Variants in NR5A2 observed in about 807,000 individuals in gnomAD.
NR5A2 encodes CYP7A promoter-binding factor.
Under a neutral mutation model 62.7 loss-of-function variants are expected in NR5A2, and 26 were observed. That is an observed-to-expected ratio of 0.41 (90% CI 0.30 to 0.58). The LOEUF is 0.58. NR5A2 is among the 20% of genes least tolerant of loss of function. The probability of loss-of-function intolerance (pLI) is 0.22; values close to 1 mark genes in which losing one functional copy is unlikely to be tolerated. For missense variants in NR5A2, 541 were observed against 669.1 expected (o/e 0.81, Z 2.11); for synonymous variants, 246 against 241.7 (o/e 1.02, Z -0.16).
At chr1:200,168,766 C>T (rs1327014854) in intron 7 of NR5A2, among the ~76,000 whole-genome samples, 2 of 152,080 alleles carry the variant, frequency 1.3e-5, no homozygotes, top group Admixed American at 6.6e-5. Context: ...GAACTTTGTT[C>T]GTATGAAAAG....
chr1:200,108,968 A>G (rs1257466918), intron 5 of NR5A2, among the ~76,000 whole-genome samples: 1 of 152,230 alleles, frequency 6.6e-6, no homozygotes, highest in African/African-American at 2.4e-5. Context: ...TTGTAAAACC[A>G]CATGCCATTC....
intron 5 of NR5A2, among the ~76,000 whole-genome samples, chr1:200,107,412 T>G (rs1374083335): frequency 6.6e-6 from 1 of 152,008 alleles, no homozygotes; most frequent in Non-Finnish European, 1.5e-5. Flanking sequence ...CATAATACTT[T>G]GCGAAAGCAG....
chr1:200,057,641 T>C, intron 5 of NR5A2: 1 of 331,992 alleles, frequency 3.0e-6, no homozygotes, highest in Non-Finnish European at 6.0e-6. Context: ...ACAACACCCA[T>C]CTAATTTTTG....
intron 7 of NR5A2, among the ~76,000 whole-genome samples, chr1:200,123,969 T>G (rs1666591102): frequency 6.6e-6 from 1 of 151,634 alleles, no homozygotes; most frequent in African/African-American, 2.4e-5. Flanking sequence ...ACCTGGCTAA[T>G]TTTTTTGTAT....
intron 5 of NR5A2, among the ~76,000 whole-genome samples, chr1:200,067,596 A>G (rs1244034216): frequency 6.6e-6 from 1 of 151,924 alleles, no homozygotes; most frequent in East Asian, 1.9e-4. Flanking sequence ...ACTCACGAAC[A>G]CAAGGGAACA....
At position 200,104,883 on chromosome 1, in the gene NR5A2, G is replaced by A. The variant is rs149206591; in HGVS notation, c.1111-6319G>A. 3.1e-3 allele frequency among the ~76,000 whole-genome samples: 469 copies of A among 152,162 alleles called. 1 individual carries two copies. Among genetic ancestry groups the A allele is most frequent in the African/African-American group, 0.011 (458 of 41,536 alleles). On this transcript the variant is annotated intron_variant, in intron 5 of 7. Transcript: ENST00000367362. The stretch of plus-strand genomic sequence containing the variant: ...TCACCATGTTGGCCAGGCTGGTCTC[G>A]AATTCCCGACCTCAAGTAGTCTGCC...
intron 7 of NR5A2, among the ~76,000 whole-genome samples, chr1:200,155,163 G>C (rs933245106): frequency 9.2e-5 from 14 of 152,138 alleles, no homozygotes; most frequent in African/African-American, 3.4e-4. Flanking sequence ...GCAGAAGTGG[G>C]ATTAAGATTG....
chr1:200,034,286 A>G (rs1177712627), intron 1 of NR5A2, among the ~76,000 whole-genome samples: 5 of 152,052 alleles, frequency 3.3e-5, no homozygotes, highest in Non-Finnish European at 7.4e-5. Context: ...ATAGTTTTGA[A>G]CTGGAACTGG....
chr1:200,151,973 A>G (rs539971646), intron 7 of NR5A2, among the ~76,000 whole-genome samples: 169 of 152,364 alleles, frequency 1.1e-3, no homozygotes, highest in Admixed American at 2.0e-3. Context: ...CCAGACATAC[A>G]TATGCAAAGT....
intron 7 of NR5A2, among the ~76,000 whole-genome samples, chr1:200,168,187 A>G (rs2102391365): frequency 6.6e-6 from 1 of 151,614 alleles, no homozygotes; most frequent in Non-Finnish European, 1.5e-5. Flanking sequence ...GTGTACATAT[A>G]TAGTATATAC....
At chr1:200,068,924 C>A (rs1013144594) in intron 5 of NR5A2, among the ~76,000 whole-genome samples, 1 of 152,142 alleles carries the variant, frequency 6.6e-6, no homozygotes, top group Non-Finnish European at 1.5e-5. Flanking sequence ...TAAATATTAA[C>A]CCCAGACATC....
chr1:200,036,940 T>G (rs1661805719), intron 1 of NR5A2, among the ~76,000 whole-genome samples: 1 of 152,206 alleles, frequency 6.6e-6, no homozygotes, highest in Non-Finnish European at 1.5e-5. Flanking sequence ...AGCATGGATT[T>G]TTAAAACCCA....
intron 7 of NR5A2, among the ~76,000 whole-genome samples, chr1:200,128,220 C>T (rs1369171059): frequency 6.6e-6 from 1 of 152,132 alleles, no homozygotes. Flanking sequence ...AGGCAGGTTT[C>T]GTATCTGTGA....
chr1:200,154,862 C>T (rs1653305585), intron 7 of NR5A2, among the ~76,000 whole-genome samples: 1 of 152,164 alleles, frequency 6.6e-6, no homozygotes, highest in Non-Finnish European at 1.5e-5. Context: ...TCTTCTGGCA[C>T]CTGCCTTAGT....
intron 5 of NR5A2, among the ~76,000 whole-genome samples, chr1:200,064,585 G>A (rs551151771): frequency 6.6e-6 from 1 of 152,222 alleles, no homozygotes; most frequent in East Asian, 1.9e-4. Flanking sequence ...GTTCTAATAT[G>A]GATTTTATTC....
At chr1:200,101,961 TTA>T (rs1230774326) in intron 5 of NR5A2, among the ~76,000 whole-genome samples, 1 of 152,216 alleles carries the variant, frequency 6.6e-6, no homozygotes, top group African/African-American at 2.4e-5. Context: ...ACCCTGGTGA[TTA>T]TATGTTTCTT....
At chr1:200,152,831 G>A (rs1476062657) in intron 7 of NR5A2, among the ~76,000 whole-genome samples, 1 of 152,140 alleles carries the variant, frequency 6.6e-6, no homozygotes, top group Non-Finnish European at 1.5e-5. Flanking sequence ...TACATTGAGA[G>A]TTTAATGCTC....
chr1:200,106,624 GT>G (rs1436427899), intron 5 of NR5A2, among the ~76,000 whole-genome samples: 3 of 152,034 alleles, frequency 2.0e-5, no homozygotes, highest in Admixed American at 6.6e-5. Context: ...AACTTCTTTG[GT>G]CTTCTTCCCA....
intron 5 of NR5A2, among the ~76,000 whole-genome samples, chr1:200,107,708 C>T (rs1665752519): frequency 6.6e-6 from 1 of 151,962 alleles, no homozygotes; most frequent in Admixed American, 6.6e-5. Context: ...GACACGATCT[C>T]GGCTCACTGC....
Sources: gnomAD v4.1 joint callset for allele counts (sites outside exome capture counted in the v4.1 genomes callset) on GRCh38, gnomAD v4.1.1 for gene constraint, MANE v1.5 for transcripts, NCBI Gene and HGNC (gene_info 2026-07-23, HGNC 2026-07-21) for gene names.